The following SCD5 variants were observed in gnomAD, a reference collection of about 807,000 sequenced individuals.
The protein encoded by SCD5 is stearoyl-CoA desaturase 5.
Under a neutral mutation model 30.4 loss-of-function variants are expected in SCD5, and 20 were observed. The observed-to-expected ratio is 0.66, with a 90% CI of 0.46 to 0.96. SCD5 has a LOEUF of 0.96. SCD5 is among the 40% of genes least tolerant of loss of function. SCD5 has a pLI of 0.00. For synonymous variants in SCD5, 173 were observed against 176.4 expected (o/e 0.98, Z 0.16); for missense variants, 381 against 443.3 (o/e 0.86, Z 1.26).
In SCD5 at chr4:82,794,950, C is replaced by T. The variant is rs539023809; in HGVS notation, c.232+3356G>A. On this transcript the variant is annotated intron_variant, in intron 1 of 4. Coordinates refer to ENST00000319540, the MANE Select transcript of SCD5 (RefSeq NM_001037582.3). ...ATAGGCGTGAGCCACCATGCCCGGCCGCTTTCTGTCCTTGAAAGTCATGAA... is the reference window on the plus strand; with the variant it reads ...ATAGGCGTGAGCCACCATGCCCGGCTGCTTTCTGTCCTTGAAAGTCATGAA... 5.3e-5 allele frequency among the ~76,000 whole-genome samples: 8 copies of T among 152,250 alleles called. No homozygotes were observed. The East Asian group carries it at 9.7e-4, about 18-fold the overall frequency.
At chr4:82,705,562 A>T (rs1020784413) in intron 1 of SCD5, 149 bp from the exon 2 acceptor site, 16 of 1,122,600 alleles carry the variant, frequency 1.4e-5, no homozygotes, top group Non-Finnish European at 2.0e-5. Flanking sequence ...GAGAGGAGGC[A>T]GCCTTTTTAT....
At chr4:82,724,668 C>T (rs1578039290) in intron 1 of SCD5, among the ~76,000 whole-genome samples, 1 of 152,152 alleles carries the variant, frequency 6.6e-6, no homozygotes, top group African/African-American at 2.4e-5. Context: ...AGTCTGTTTC[C>T]TCATCTGAAA....
intron 1 of SCD5, among the ~76,000 whole-genome samples, chr4:82,731,493 G>A (rs1720642558): frequency 6.6e-6 from 1 of 152,184 alleles, no homozygotes; most frequent in Non-Finnish European, 1.5e-5. Context: ...GGAGACCCCG[G>A]GGAAACAGCC....
intron 1 of SCD5, among the ~76,000 whole-genome samples, chr4:82,748,284 A>G (rs895562972): frequency 4.6e-5 from 7 of 152,076 alleles, no homozygotes; most frequent in African/African-American, 1.7e-4. Flanking sequence ...GGGAGAATTG[A>G]TAGACTCAGG....
chr4:82,686,818 C>A (rs1728717222), intron 2 of SCD5, among the ~76,000 whole-genome samples: 1 of 151,904 alleles, frequency 6.6e-6, no homozygotes, highest in Non-Finnish European at 1.5e-5. Flanking sequence ...AACTAATTAA[C>A]AAAAAAAAGG....
At chr4:82,638,444 G>T (rs1301589059) in intron 3 of SCD5, among the ~76,000 whole-genome samples, 1 of 152,166 alleles carries the variant, frequency 6.6e-6, no homozygotes, top group Non-Finnish European at 1.5e-5. Context: ...CTACTGCTGG[G>T]GCAACTGAAC....
At chr4:82,666,886 G>A (rs761071288) in intron 3 of SCD5, among the ~76,000 whole-genome samples, 1 of 152,070 alleles carries the variant, frequency 6.6e-6, no homozygotes, top group African/African-American at 2.4e-5. Context: ...CAGAGTTATC[G>A]AAAGGATAAG....
intron 1 of SCD5, among the ~76,000 whole-genome samples, chr4:82,716,580 G>A (rs752294614): frequency 2.6e-5 from 4 of 151,768 alleles, no homozygotes; most frequent in African/African-American, 9.7e-5. Context: ...TTGGGAGGCC[G>A]AGGTGGGCGG....
chr4:82,719,750 G>A (rs988031022), intron 1 of SCD5, among the ~76,000 whole-genome samples: 5 of 150,538 alleles, frequency 3.3e-5, no homozygotes, highest in Non-Finnish European at 7.4e-5. Flanking sequence ...TGATCCACCC[G>A]CCTCGGCCTC....
chr4:82,695,737 G>GA (rs1719683505), intron 2 of SCD5, among the ~76,000 whole-genome samples: 1 of 152,126 alleles, frequency 6.6e-6, no homozygotes, highest in Non-Finnish European at 1.5e-5. Flanking sequence ...ACCTTATACA[G>GA]TATGTTCTAA....
At chr4:82,765,254 T>C (rs1437873314) in intron 1 of SCD5, among the ~76,000 whole-genome samples, 1 of 152,230 alleles carries the variant, frequency 6.6e-6, no homozygotes, top group African/African-American at 2.4e-5. Flanking sequence ...ATATTTTTGT[T>C]GGATATAGAA....
At chr4:82,632,832 G>T (rs1432381238) in intron 4 of SCD5, among the ~76,000 whole-genome samples, 1 of 151,918 alleles carries the variant, frequency 6.6e-6, no homozygotes, top group South Asian at 2.1e-4. Flanking sequence ...TCTCTGATTT[G>T]ATTTTTTAAA....
At chr4:82,798,270 G>T (rs778751637) in intron 1 of SCD5, 36 bp downstream of exon 1, 3 of 1,515,342 alleles carry the variant, frequency 2.0e-6, no homozygotes, top group Middle Eastern at 1.8e-4. Context: ...GCCTGGCCAC[G>T]GAGGCCGGGG....
chr4:82,637,448 G>C (rs556647300), intron 3 of SCD5, among the ~76,000 whole-genome samples: 25 of 152,204 alleles, frequency 1.6e-4, no homozygotes, highest in Non-Finnish European at 3.1e-4. Flanking sequence ...CTGGACCTAT[G>C]TACCCAGCAA....
At chr4:82,735,304 C>T (rs1289605647) in intron 1 of SCD5, among the ~76,000 whole-genome samples, 1 of 152,124 alleles carries the variant, frequency 6.6e-6, no homozygotes, top group Admixed American at 6.5e-5. Context: ...GGCGTGTCTA[C>T]ACGGTCCAGA....
rs762732703 is a variant in SCD5 at position 82,712,243 on chromosome 4, C to CATATAT, written c.233-6836_233-6831dup. ...ATAGGTCTGGGGAGGGACCAACTAA[C>CATATAT]ATATATATATATATATATATATATA... On this transcript the variant is annotated intron_variant, in intron 1 of 4. Coordinates refer to ENST00000319540, the MANE Select transcript of SCD5 (RefSeq NM_001037582.3). Among the ~76,000 whole-genome samples the CATATAT allele has an allele frequency of 2.8e-3, 80 of 28,800 alleles. 1 individual carries two copies. Among genetic ancestry groups the CATATAT allele is most frequent in the Non-Finnish European group, 5.1e-3 (56 of 11,056 alleles). The allele number at this position is 28,800 out of a possible 152,430, so 18.9% of individuals were successfully genotyped here.
At chr4:82,691,243 C>T (rs2148824132) in intron 2 of SCD5, among the ~76,000 whole-genome samples, 1 of 152,314 alleles carries the variant, frequency 6.6e-6, no homozygotes, top group Non-Finnish European at 1.5e-5. Flanking sequence ...CCAGGCTGGT[C>T]TCCAACTCCT....
At chr4:82,641,658 G>A (rs1032014949) in intron 3 of SCD5, among the ~76,000 whole-genome samples, 2 of 152,130 alleles carry the variant, frequency 1.3e-5, no homozygotes, top group South Asian at 2.1e-4. Flanking sequence ...TGAACAAGAG[G>A]GAGGGTTGTA....
intron 2 of SCD5, among the ~76,000 whole-genome samples, chr4:82,697,025 C>A (rs1163139227): frequency 6.6e-6 from 1 of 152,224 alleles, no homozygotes; most frequent in Non-Finnish European, 1.5e-5. Context: ...GTGATCCCAG[C>A]TCTAACCTTC....
Sources: allele counts gnomAD v4.1 joint callset (sites outside exome capture counted in the v4.1 genomes callset), GRCh38; gene constraint gnomAD v4.1.1; transcripts MANE v1.5; gene names NCBI Gene and HGNC (gene_info 2026-07-23, HGNC 2026-07-21).